The following CCDC178 variants were observed in gnomAD, a reference collection of about 807,000 sequenced individuals.
CCDC178 encodes the protein coiled-coil domain containing 178.
Under a neutral mutation model 117.4 loss-of-function variants are expected in CCDC178, and 126 were observed. That is an observed-to-expected ratio of 1.07 (90% CI 0.93 to 1.24). CCDC178 has a LOEUF of 1.24. Ranked by LOEUF, CCDC178 falls within the 50% of genes most tolerant of loss-of-function variation. The pLI is 0.00. For synonymous variants in CCDC178, 283 were observed against 313.4 expected (o/e 0.90, Z 1.02); for missense variants, 1,030 against 986.9 (o/e 1.04, Z -0.59).
At chr18:33,429,206 A>G (rs1266083194) in intron 2 of CCDC178, among the ~76,000 whole-genome samples, 2 of 152,172 alleles carry the variant, frequency 1.3e-5, no homozygotes, top group African/African-American at 2.4e-5. Context: ...ATTAATATAT[A>G]AATAGTTAGA....
At chr18:33,418,380 C>A (rs1159038700) in intron 2 of CCDC178, among the ~76,000 whole-genome samples, 2 of 152,058 alleles carry the variant, frequency 1.3e-5, no homozygotes, top group Non-Finnish European at 2.9e-5. Flanking sequence ...CCACAGCCAT[C>A]ATCATACTGA....
chr18:33,252,855 T>C (rs1267113874), intron 14 of CCDC178, among the ~76,000 whole-genome samples: 3 of 151,784 alleles, frequency 2.0e-5, no homozygotes, highest in Non-Finnish European at 3.0e-5. Context: ...AAGATACAGT[T>C]GAACACTAGA....
At chr18:33,130,412 T>C (rs1011978024) in intron 20 of CCDC178, among the ~76,000 whole-genome samples, 1 of 152,058 alleles carries the variant, frequency 6.6e-6, no homozygotes. Context: ...TAAATTATTA[T>C]GTAGTTTGAC....
intron 21 of CCDC178, among the ~76,000 whole-genome samples, chr18:33,010,569 T>C (rs1332277572): frequency 6.6e-6 from 1 of 152,144 alleles, no homozygotes; most frequent in Non-Finnish European, 1.5e-5. Context: ...AGGTGGCAAA[T>C]TTTTGGCATG....
chr18:33,029,136 C>T (rs2056285281), intron 21 of CCDC178, among the ~76,000 whole-genome samples: 1 of 151,886 alleles, frequency 6.6e-6, no homozygotes, highest in Non-Finnish European at 1.5e-5. Flanking sequence ...ACCAGTGAAT[C>T]CATCTGAGCC....
chr18:33,329,915 G>GTGTGT (rs1568151824), intron 10 of CCDC178, among the ~76,000 whole-genome samples: 17 of 130,728 alleles, frequency 1.3e-4, no homozygotes, highest in Non-Finnish European at 2.3e-4. Context: ...GTGTGTGTGT[G>GTGTGT]GTATAATTCA....
chr18:33,295,521 G>C (rs1321671815), intron 11 of CCDC178, among the ~76,000 whole-genome samples: 1 of 151,904 alleles, frequency 6.6e-6, no homozygotes, highest in Non-Finnish European at 1.5e-5. Flanking sequence ...CTAAAACATA[G>C]AATATATTTA....
intron 16 of CCDC178, among the ~76,000 whole-genome samples, chr18:33,225,635 T>A (rs1320107946): frequency 6.6e-6 from 1 of 152,126 alleles, no homozygotes; most frequent in African/African-American, 2.4e-5. Flanking sequence ...TAATAACACA[T>A]CGTGGAATAT....
intron 21 of CCDC178, among the ~76,000 whole-genome samples, chr18:33,043,913 C>T (rs2056595949): frequency 6.6e-6 from 1 of 151,534 alleles, no homozygotes; most frequent in South Asian, 2.1e-4. Context: ...TCATATGGCA[C>T]TAGATACTAT....
chr18:33,050,323 T>A (rs542044925), intron 21 of CCDC178, among the ~76,000 whole-genome samples: 2 of 152,198 alleles, frequency 1.3e-5, no homozygotes, highest in Non-Finnish European at 2.9e-5. Flanking sequence ...ATTAAATTTA[T>A]GACAGAAACC....
intron 10 of CCDC178, among the ~76,000 whole-genome samples, chr18:33,329,879 G>T (rs542972121): frequency 7.6e-5 from 2 of 26,368 alleles, no homozygotes; most frequent in African/African-American, 1.6e-4. Context: ...TTATTAGAGT[G>T]TGTGTGTGTG....
intron 12 of CCDC178, among the ~76,000 whole-genome samples, chr18:33,281,117 A>AATAATAATAATAAT (rs1463010708): frequency 0.02 from 2,555 of 124,942 alleles, 73 homozygotes; most frequent in African/African-American, 0.065. Flanking sequence ...ATAATAATAA[A>AATAATAATAATAAT]GAAACACACA....
At chr18:33,281,499 C>T (rs149487227) in intron 12 of CCDC178, among the ~76,000 whole-genome samples, 6 of 151,668 alleles carry the variant, frequency 4.0e-5, no homozygotes, top group Admixed American at 3.3e-4. Context: ...ATGCCAATAC[C>T]AACATCTAAA....
At chr18:33,105,263 T>C (rs750954375) in intron 20 of CCDC178, among the ~76,000 whole-genome samples, 8 of 151,726 alleles carry the variant, frequency 5.3e-5, no homozygotes, top group Non-Finnish European at 1.0e-4. Flanking sequence ...CATGACACTA[T>C]GCATAGCTCT....
At chr18:33,221,129 TCA>T (rs2059228751) in intron 18 of CCDC178, among the ~76,000 whole-genome samples, 1 of 151,984 alleles carries the variant, frequency 6.6e-6, no homozygotes, top group Admixed American at 6.6e-5. Context: ...TCGCGCACTC[TCA>T]GTCATCTTCC....
chr18:33,119,843 T>C (rs2057912242), intron 20 of CCDC178, among the ~76,000 whole-genome samples: 2 of 152,130 alleles, frequency 1.3e-5, no homozygotes, highest in Non-Finnish European at 2.9e-5. Flanking sequence ...CACCATGGAA[T>C]ACTATGCAGC....
chr18:33,283,711 T>C (rs2060053765), intron 12 of CCDC178, among the ~76,000 whole-genome samples: 1 of 152,116 alleles, frequency 6.6e-6, no homozygotes, highest in Non-Finnish European at 1.5e-5. Context: ...TGAAATATCA[T>C]CTCACACCAG....
intron 20 of CCDC178, among the ~76,000 whole-genome samples, chr18:33,156,386 C>T (rs1289649709): frequency 2.0e-5 from 3 of 151,146 alleles, no homozygotes. Flanking sequence ...CCGCACCCTG[C>T]TGAAAACGTT....
chr18:33,323,355 G>T, intron 11 of CCDC178, 136 bp downstream of exon 11: 1 of 434,836 alleles, frequency 2.3e-6, no homozygotes, highest in Non-Finnish European at 3.8e-6. Flanking sequence ...TATAAACTTG[G>T]TGATAAGACA....
Sources: gnomAD v4.1 joint callset for allele counts (sites outside exome capture counted in the v4.1 genomes callset) on GRCh38, gnomAD v4.1.1 for gene constraint, MANE v1.5 for transcripts, NCBI Gene and HGNC (gene_info 2026-07-23, HGNC 2026-07-21) for gene names.